Variants in CACNA2D3 observed in about 807,000 individuals in gnomAD.
CACNA2D3 encodes calcium voltage-gated channel auxiliary subunit alpha2delta 3.
In CACNA2D3, 60 loss-of-function variants were observed where a neutral mutation model predicts 160.6. That is an observed-to-expected ratio of 0.37 (90% CI 0.30 to 0.46). CACNA2D3 has a LOEUF of 0.46. Ranked by LOEUF, CACNA2D3 falls within the 20% of genes least tolerant of loss-of-function variation. The probability of loss-of-function intolerance (pLI) is 1.00; values close to 1 mark genes in which losing one functional copy is unlikely to be tolerated. For missense variants in CACNA2D3, 1,205 were observed against 1,365.0 expected, an observed-to-expected ratio of 0.88 and a Z score of 1.85; for synonymous variants, 558 against 492.9, an observed-to-expected ratio of 1.13 and a Z score of -1.75.
intron 2 of CACNA2D3, among the ~76,000 whole-genome samples, chr3:54,203,212 C>A (rs1294016657): frequency 6.6e-6 from 1 of 152,326 alleles, no homozygotes; most frequent in African/African-American, 2.4e-5. Context: ...CTTTGAAAGC[C>A]TGAACAGAAC....
intron 2 of CACNA2D3, among the ~76,000 whole-genome samples, chr3:54,181,101 A>G (rs11720275): frequency 0.041 from 6,175 of 152,278 alleles, 191 homozygotes; most frequent in Non-Finnish European, 0.057. Flanking sequence ...AACAGCTGAC[A>G]CTGAGAGTAT....
At chr3:54,189,155 T>C (rs1700935730) in intron 2 of CACNA2D3, among the ~76,000 whole-genome samples, 1 of 152,250 alleles carries the variant, frequency 6.6e-6, no homozygotes, top group Non-Finnish European at 1.5e-5. Flanking sequence ...AATCCCAATC[T>C]TTTCATTTCT....
chr3:54,540,456 GAAATA>G (rs1701954384), intron 5 of CACNA2D3, among the ~76,000 whole-genome samples: 1 of 152,134 alleles, frequency 6.6e-6, no homozygotes, highest in Non-Finnish European at 1.5e-5. Context: ...TTATTTTTCA[GAAATA>G]AAATAATCAT....
chr3:54,911,081 G>A (rs764304505), intron 27 of CACNA2D3, among the ~76,000 whole-genome samples: 7 of 151,920 alleles, frequency 4.6e-5, no homozygotes, highest in Non-Finnish European at 1.0e-4. Context: ...TCAAATCTTA[G>A]TCATTACATC....
At chr3:54,849,176 A>G (rs1699000761) in intron 17 of CACNA2D3, among the ~76,000 whole-genome samples, 1 of 152,210 alleles carries the variant, frequency 6.6e-6, no homozygotes, top group Non-Finnish European at 1.5e-5. Context: ...CAAGTAGACA[A>G]CTTGTACTAG....
intron 35 of CACNA2D3, among the ~76,000 whole-genome samples, chr3:55,026,981 G>A (rs551262696): frequency 2.0e-4 from 30 of 150,828 alleles, no homozygotes; most frequent in African/African-American, 7.0e-4. Context: ...ACCGCTAAGC[G>A]CGCATGCACG....
At chr3:54,522,083 C>T (rs1268323870) in intron 5 of CACNA2D3, among the ~76,000 whole-genome samples, 1 of 152,082 alleles carries the variant, frequency 6.6e-6, no homozygotes, top group Non-Finnish European at 1.5e-5. Context: ...AAGAGGTCAC[C>T]TGGGATTCTG....
At chr3:54,461,837 T>G (rs372740597) in intron 4 of CACNA2D3, among the ~76,000 whole-genome samples, 2 of 152,092 alleles carry the variant, frequency 1.3e-5, no homozygotes, top group Admixed American at 1.3e-4. Context: ...TGTGTTTGCT[T>G]TTGCTTTTCT....
chr3:54,502,280 T>C (rs939036008), intron 4 of CACNA2D3, among the ~76,000 whole-genome samples: 6 of 152,242 alleles, frequency 3.9e-5, no homozygotes, highest in African/African-American at 1.4e-4. Flanking sequence ...GTTTTGTGAT[T>C]ATCTCACAAT....
intron 2 of CACNA2D3, among the ~76,000 whole-genome samples, chr3:54,170,998 G>A (rs780863559): frequency 7.9e-5 from 12 of 152,132 alleles, no homozygotes; most frequent in Admixed American, 5.9e-4. Context: ...GGGCCTGACC[G>A]TCCGACTCAG....
Position 54,971,112 on chromosome 3 carries a change from C to CAAA in CACNA2D3, c.2556+1278_2556+1280dup, listed in dbSNP as rs1026101922. On this transcript the variant is annotated intron_variant, in intron 29 of 37. Coordinates refer to ENST00000474759, the MANE Select transcript of CACNA2D3 (RefSeq NM_018398.3). ...ATAATCATTGTATGAGTCACAGTAT[C>CAAA]AAAAAAAAAAAAGCCAGTCAGCAAA... is the stretch of plus-strand genomic sequence containing the variant. 8.9e-3 allele frequency among the ~76,000 whole-genome samples: 1,245 copies of CAAA among 139,258 alleles called. 21 individuals carry two copies. The highest frequency in any genetic ancestry group is 0.031 in the African/African-American group (1,172 of 38,054). The allele number at this position is 139,258 out of a possible 152,430, so 91.4% of individuals were successfully genotyped here. A position where few individuals can be genotyped will look rare whatever the true frequency, so the allele number is the denominator to read the frequency against.
At chr3:54,678,877 G>A (rs1181189820) in intron 11 of CACNA2D3, among the ~76,000 whole-genome samples, 2 of 152,150 alleles carry the variant, frequency 1.3e-5, no homozygotes, top group Admixed American at 6.5e-5. Flanking sequence ...TTAGGCAAGT[G>A]TAGCAGTGGT....
intron 27 of CACNA2D3, among the ~76,000 whole-genome samples, chr3:54,919,269 A>G (rs1390559430): frequency 6.6e-6 from 1 of 152,264 alleles, no homozygotes; most frequent in East Asian, 1.9e-4. Flanking sequence ...CCCCACAGAC[A>G]AGAAAACTTT....
chr3:54,880,482 T>C (rs1330877928), intron 20 of CACNA2D3, among the ~76,000 whole-genome samples: 1 of 152,186 alleles, frequency 6.6e-6, no homozygotes, highest in Non-Finnish European at 1.5e-5. Context: ...AGAGCAGGGC[T>C]CATGGTCCTT....
chr3:54,846,866 A>C (rs1488199265), intron 17 of CACNA2D3, among the ~76,000 whole-genome samples: 2 of 152,164 alleles, frequency 1.3e-5, no homozygotes, highest in East Asian at 3.9e-4. Context: ...GATAAATTAG[A>C]CCCAAGATCC....
chr3:54,881,006 G>C (rs1699783641), intron 21 of CACNA2D3, 143 bp downstream of exon 21: 3 of 725,902 alleles, frequency 4.1e-6, no homozygotes, highest in Non-Finnish European at 7.5e-6. Flanking sequence ...ATGCCTACTT[G>C]ATAATTCTTA....
At chr3:54,648,215 GT>G (rs1699690905) in intron 11 of CACNA2D3, among the ~76,000 whole-genome samples, 2 of 152,318 alleles carry the variant, frequency 1.3e-5, no homozygotes, top group Admixed American at 1.3e-4. Flanking sequence ...CAGCTTATGA[GT>G]TACGAATGAT....
At chr3:54,695,666 T>G (rs1350687424) in intron 11 of CACNA2D3, among the ~76,000 whole-genome samples, 1 of 152,220 alleles carries the variant, frequency 6.6e-6, no homozygotes, top group Non-Finnish European at 1.5e-5. Context: ...CTTCTTAATT[T>G]GCAATTCTTT....
chr3:54,706,657 A>G (rs1246481638), intron 11 of CACNA2D3, among the ~76,000 whole-genome samples: 5 of 152,170 alleles, frequency 3.3e-5, no homozygotes, highest in Admixed American at 3.3e-4. Context: ...TTCAAAAATG[A>G]TCTTGTAACT....
Sources: allele counts gnomAD v4.1 joint callset (sites outside exome capture counted in the v4.1 genomes callset), GRCh38; gene constraint gnomAD v4.1.1; transcripts MANE v1.5; gene names NCBI Gene and HGNC (gene_info 2026-07-23, HGNC 2026-07-21).